HS6ST2: variants seen among roughly 807,000 people sequenced by gnomAD.
HS6ST2 encodes the protein heparan sulfate 6-O-sulfotransferase 2.
HS6ST2 carries 17 observed loss-of-function variants against 33.0 expected under a neutral mutation model. The ratio of observed to expected loss-of-function variants is 0.52; its 90% confidence interval spans 0.35 to 0.77. The LOEUF (loss-of-function observed/expected upper bound fraction) is 0.77, where lower values mean the gene tolerates loss of function less well. Among genes scored for constraint, HS6ST2 ranks in the 30% least tolerant of loss-of-function variants. The probability of loss-of-function intolerance (pLI) is 0.01; values close to 1 mark genes in which losing one functional copy is unlikely to be tolerated. For synonymous variants in HS6ST2, 248 were observed against 237.1 expected (o/e 1.05, Z -0.42); for missense variants, 519 against 551.7 (o/e 0.94, Z 0.59).
At chrX:132,657,577 T>A (rs2063740247) in intron 4 of HS6ST2, among the ~76,000 whole-genome samples, 1 of 108,841 alleles carries the variant, frequency 9.2e-6, no homozygotes, top group Non-Finnish European at 1.9e-5. Context: ...CACCATGAAG[T>A]ATGTTTTTGT....
chrX:132,722,362 T>A (rs1417789108), intron 2 of HS6ST2, among the ~76,000 whole-genome samples: 3 of 111,671 alleles, frequency 2.7e-5, no homozygotes, highest in Non-Finnish European at 3.8e-5. Flanking sequence ...TTGTGATGCA[T>A]GAAATAATTT....
chrX:132,844,286 G>GATGA (rs1164529681), intron 2 of HS6ST2, among the ~76,000 whole-genome samples: 2 of 111,416 alleles, frequency 1.8e-5, no homozygotes, highest in African/African-American at 6.5e-5. Flanking sequence ...GACTAACCCA[G>GATGA]ATGAAGAACC....
chrX:132,939,986 G>A (rs965420968), intron 2 of HS6ST2, among the ~76,000 whole-genome samples: 11 of 111,828 alleles, frequency 9.8e-5, no homozygotes, highest in Non-Finnish European at 2.1e-4. Context: ...GCCAAGAATA[G>A]CCAAAACAAT....
intron 2 of HS6ST2, among the ~76,000 whole-genome samples, chrX:132,938,330 A>G (rs764777001): frequency 1.2e-4 from 13 of 109,885 alleles, no homozygotes; most frequent in Non-Finnish European, 2.5e-4. Flanking sequence ...AAAGACACCT[A>G]GAGCTCACAT....
chrX:132,742,632 C>T (rs1266746024), intron 2 of HS6ST2, among the ~76,000 whole-genome samples: 1 of 112,394 alleles, frequency 8.9e-6, no homozygotes, highest in Non-Finnish European at 1.9e-5. Flanking sequence ...ACAACAGGTG[C>T]AATACAGGTT....
At chrX:132,656,367 T>C (rs2063729762) in intron 4 of HS6ST2, among the ~76,000 whole-genome samples, 1 of 111,959 alleles carries the variant, frequency 8.9e-6, no homozygotes, top group African/African-American at 3.2e-5. Flanking sequence ...ATAAAAACCT[T>C]GCTCCCTGAG....
chrX:132,666,574 G>A (rs1446900686), intron 4 of HS6ST2, among the ~76,000 whole-genome samples: 1 of 111,258 alleles, frequency 9.0e-6, no homozygotes, highest in Non-Finnish European at 1.9e-5. Flanking sequence ...GCTTTTGGTA[G>A]GCAAGGATTA....
intron 2 of HS6ST2, among the ~76,000 whole-genome samples, chrX:132,851,974 C>T (rs770593373): frequency 9.0e-6 from 1 of 110,946 alleles, no homozygotes; most frequent in African/African-American, 3.3e-5. Context: ...GACCGTGTCT[C>T]TACAAAAAAC....
chrX:132,736,016 T>G (rs773979510), intron 2 of HS6ST2, among the ~76,000 whole-genome samples: 1 of 110,347 alleles, frequency 9.1e-6, no homozygotes, highest in Non-Finnish European at 1.9e-5. Flanking sequence ...GGCTAATTTT[T>G]GTATTTTTAG....
intron 2 of HS6ST2, among the ~76,000 whole-genome samples, chrX:132,804,552 C>A (rs1000531875): frequency 8.9e-6 from 1 of 112,398 alleles, no homozygotes; most frequent in South Asian, 3.7e-4. Context: ...GTAATCCCAG[C>A]ACTTTGGGAG....
At chrX:132,793,120 G>A (rs2065135551) in intron 2 of HS6ST2, among the ~76,000 whole-genome samples, 1 of 95,187 alleles carries the variant, frequency 1.1e-5, no homozygotes, top group African/African-American at 4.0e-5. Context: ...GAGTGCAGTG[G>A]CGCAATCTCA....
At chrX:132,813,411 C>A (rs182802787) in intron 2 of HS6ST2, among the ~76,000 whole-genome samples, 2 of 111,652 alleles carry the variant, frequency 1.8e-5, no homozygotes, top group African/African-American at 6.5e-5. Context: ...TTATTCCGCC[C>A]AGATCACACA....
At chrX:132,840,986 T>C (rs1185167247) in intron 2 of HS6ST2, among the ~76,000 whole-genome samples, 1 of 112,312 alleles carries the variant, frequency 8.9e-6, no homozygotes, top group Non-Finnish European at 1.9e-5. Context: ...CTTTTTCAAG[T>C]GCAACAAAGT....
chrX:132,912,453 T>C (rs982921046), intron 2 of HS6ST2, among the ~76,000 whole-genome samples: 1 of 112,879 alleles, frequency 8.9e-6, no homozygotes, highest in Non-Finnish European at 1.9e-5. Flanking sequence ...ATTTAATACA[T>C]GTAGGCTGTG....
rs1381764231 is a variant in HS6ST2, at chrX:132,720,432, C to A, written c.948-11938G>T. Among the ~76,000 whole-genome samples the A allele has an allele frequency of 1.2e-4, 13 of 110,886 alleles. No individual in the cohort carries two copies. The Admixed American group carries it at 1.3e-3, about 11-fold the overall frequency. On this transcript the variant is annotated intron_variant, in intron 2 of 4. Coordinates refer to ENST00000370833, the MANE Select transcript of HS6ST2 (RefSeq NM_001394073.1). ...CATACTCTGCCTTTAAGCTACTCTG[C>A]CCCTAGCCCCTCATCAAGTAGGTAA...
intron 2 of HS6ST2, among the ~76,000 whole-genome samples, chrX:132,739,933 G>T (rs1254619414): frequency 1.8e-5 from 2 of 111,185 alleles, no homozygotes; most frequent in South Asian, 7.5e-4. Flanking sequence ...TCAGAGTCTT[G>T]TTTTTTTCTA....
At chrX:132,643,589 T>C (rs963607041) in intron 4 of HS6ST2, among the ~76,000 whole-genome samples, 2 of 111,575 alleles carry the variant, frequency 1.8e-5, no homozygotes, top group African/African-American at 6.5e-5. Context: ...AGGTGAAGGA[T>C]AGGGACTCAT....
chrX:132,708,411 T>G, intron 3 of HS6ST2, 51 bp downstream of exon 3: 1 of 996,894 alleles, frequency 1.0e-6, no homozygotes. Context: ...CAGAGTCTCT[T>G]TTTTCTAGCT....
chrX:132,830,562 C>T (rs957412535), intron 2 of HS6ST2, among the ~76,000 whole-genome samples: 1 of 112,175 alleles, frequency 8.9e-6, no homozygotes, highest in Non-Finnish European at 1.9e-5. Flanking sequence ...CTTCATCATC[C>T]CCTGCTACTT....
Sources: allele counts gnomAD v4.1 joint callset (sites outside exome capture counted in the v4.1 genomes callset), GRCh38; gene constraint gnomAD v4.1.1; transcripts MANE v1.5; gene names NCBI Gene and HGNC (gene_info 2026-07-23, HGNC 2026-07-21).